NIM1K: variants seen among roughly 807,000 people sequenced by gnomAD.
NIM1K encodes NIM1 serine/threonine protein kinase, also known as serine/threonine-protein kinase NIM1.
Under a neutral mutation model 37.1 loss-of-function variants are expected in NIM1K, and 35 were observed. That is an observed-to-expected ratio of 0.94 (90% CI 0.72 to 1.25). The LOEUF is 1.25. Among genes scored for constraint, NIM1K ranks in the 50% most tolerant of loss-of-function variants. NIM1K has a pLI of 0.00. For synonymous variants in NIM1K, 234 were observed against 206.6 expected, an observed-to-expected ratio of 1.13 and a Z score of -1.14; for missense variants, 564 against 548.0, an observed-to-expected ratio of 1.03 and a Z score of -0.29.
intron 1 of NIM1K, among the ~76,000 whole-genome samples, chr5:43,237,177 G>A (rs552935182): frequency 2.0e-5 from 3 of 152,268 alleles, no homozygotes; most frequent in South Asian, 2.1e-4. Flanking sequence ...CAATGAAAAG[G>A]TTGCCTAAGA....
intron 1 of NIM1K, among the ~76,000 whole-genome samples, chr5:43,208,462 G>C (rs2112213209): frequency 6.6e-6 from 1 of 152,178 alleles, no homozygotes; most frequent in Non-Finnish European, 1.5e-5. Context: ...AATTAGCCGG[G>C]CGTGGTGGCA....
intron 1 of NIM1K, among the ~76,000 whole-genome samples, chr5:43,211,662 G>A (rs1752207198): frequency 6.6e-6 from 1 of 152,210 alleles, no homozygotes; most frequent in African/African-American, 2.4e-5. Flanking sequence ...TGGGAACAGG[G>A]GAGATGAGAA....
intron 2 of NIM1K, among the ~76,000 whole-genome samples, chr5:43,260,597 G>A (rs186574635): frequency 1.3e-5 from 2 of 151,858 alleles, no homozygotes; most frequent in African/African-American, 2.4e-5. Context: ...TATATAGAGA[G>A]AGAGAGAGAG....
intron 1 of NIM1K, chr5:43,207,475 C>A (rs1752134526): frequency 4.0e-6 from 3 of 749,920 alleles, no homozygotes; most frequent in Non-Finnish European, 7.5e-6. Flanking sequence ...TGAAGAGGTA[C>A]ACCAAAGAAG....
At chr5:43,238,039 ATTTTTTTTTT>A (rs71608701) in intron 1 of NIM1K, among the ~76,000 whole-genome samples, 4 of 120,618 alleles carry the variant, frequency 3.3e-5, no homozygotes, top group African/African-American at 9.2e-5. Flanking sequence ...CTTCAATTTA[ATTTTTTTTTT>A]TTTTTTTTTT....
intron 1 of NIM1K, chr5:43,232,551 C>T (rs1752555339): frequency 6.3e-7 from 1 of 1,581,292 alleles, no homozygotes; most frequent in Non-Finnish European, 8.6e-7. Flanking sequence ...CATAAGTGGC[C>T]TCATTGTCTA....
rs10941618 is a variant in NIM1K at position 43,269,030 on chromosome 5, G to T, written c.293-8027G>T. The stretch of plus-strand genomic sequence containing the variant: ...AATATAAGAATAGCCACTCCTACCC[G>T]GGCACGGTGGCTCACACCTGTAAAT... On this transcript the variant is annotated intron_variant, in intron 2 of 3. Transcript: ENST00000326035. 1.6e-3 allele frequency among the ~76,000 whole-genome samples: 243 copies of T among 151,814 alleles called. 3 individuals are homozygous for T. The highest frequency in any genetic ancestry group is 5.9e-4 in the Non-Finnish European group (40 of 67,932).
At chr5:43,214,828 A>G (rs1426126521) in intron 1 of NIM1K, among the ~76,000 whole-genome samples, 5 of 150,334 alleles carry the variant, frequency 3.3e-5, no homozygotes, top group African/African-American at 4.8e-5. Flanking sequence ...AAAAAAAAAA[A>G]AAACAAAAAA....
At chr5:43,235,407 C>T (rs1318387977) in intron 1 of NIM1K, among the ~76,000 whole-genome samples, 1 of 152,156 alleles carries the variant, frequency 6.6e-6, no homozygotes, top group Admixed American at 6.6e-5. Context: ...GTTTTTAACA[C>T]TAAATCTTCT....
intron 2 of NIM1K, among the ~76,000 whole-genome samples, chr5:43,249,348 C>G (rs1266140359): frequency 1.3e-5 from 2 of 151,874 alleles, no homozygotes; most frequent in Non-Finnish European, 2.9e-5. Flanking sequence ...GATTACAGGC[C>G]TGAGCCACCG....
In NIM1K at chr5:43,277,165, T is replaced by G. The variant is rs1485627300; in HGVS notation, c.401T>G (p.Ile134Ser). 6.2e-7 allele frequency: 1 copy of G among 1,614,046 alleles called. No homozygotes were observed. The highest frequency in any genetic ancestry group is 8.5e-7 in the Non-Finnish European group (1 of 1,179,994). ...SMEKLHHPNIIRLYEVVETLS... is the reference protein window; with the variant it reads ...SMEKLHHPNISRLYEVVETLS... ...GAAAAGCTGCACCATCCCAACATCA[T>G]CCGCCTTTACGAAGTGGTGGAGACC... The change falls in exon 3 of 4, where the codon ATC (isoleucine) becomes AGC (serine). Residue 134 changes from isoleucine to serine, a missense_variant. Coordinates refer to ENST00000326035, the MANE Select transcript of NIM1K (RefSeq NM_153361.4).
intron 1 of NIM1K, among the ~76,000 whole-genome samples, chr5:43,196,044 T>C (rs544485554): frequency 6.6e-6 from 1 of 152,224 alleles, no homozygotes; most frequent in African/African-American, 2.4e-5. Flanking sequence ...TGGGAGGCCT[T>C]AGCGGCAGAT....
At position 43,254,020 on chromosome 5, in the gene NIM1K, G is replaced by A. The variant is rs142127329; in HGVS notation, c.292+7953G>A. 7.0e-3 allele frequency among the ~76,000 whole-genome samples: 1,061 copies of A among 152,202 alleles called. 8 individuals are homozygous for A. The highest frequency in any genetic ancestry group is 0.024 in the African/African-American group (1,016 of 41,520). On this transcript the variant is annotated intron_variant, in intron 2 of 3. Coordinates refer to ENST00000326035, the MANE Select transcript of NIM1K (RefSeq NM_153361.4). Reference sequence around the variant, plus strand: ...GATTAATATGATCTTATTTCAGTGCGGAATGTGAATTGAAGTTGGAAAGTA... The same window carrying A: ...GATTAATATGATCTTATTTCAGTGCAGAATGTGAATTGAAGTTGGAAAGTA...
In NIM1K at chr5:43,279,947, A is replaced by T. The variant is rs1753410766; in HGVS notation, c.562-33A>T. 3 of 1,558,808 alleles carry T rather than the reference A, an allele frequency of 1.9e-6. No individual in the cohort carries two copies. The East Asian group carries it at 6.8e-5, about 35-fold the overall frequency. On this transcript the variant is annotated intron_variant, in intron 3 of 3. Transcript: ENST00000326035. ...ATTTTTTATTTTGACATTTTACTGT[A>T]AAAATGACTTTTCTCTATGTCTTCT...
intron 1 of NIM1K, among the ~76,000 whole-genome samples, chr5:43,216,794 C>T (rs1205210534): frequency 6.6e-6 from 1 of 151,976 alleles, no homozygotes; most frequent in Admixed American, 6.6e-5. Context: ...AAAATGTGGG[C>T]AGAGATGGGA....
At chr5:43,204,339 C>G (rs10044563) in intron 1 of NIM1K, among the ~76,000 whole-genome samples, 67,931 of 150,362 alleles carry the variant, frequency 0.45, 15,832 homozygotes, top group African/African-American at 0.48. Flanking sequence ...CCACCTCAGC[C>G]TCCCAAAGTG....
chr5:43,253,866 T>C (rs952552330), intron 2 of NIM1K, among the ~76,000 whole-genome samples: 4 of 152,240 alleles, frequency 2.6e-5, no homozygotes, highest in African/African-American at 7.2e-5. Flanking sequence ...TTTCACCATC[T>C]TGGCCAGGCT....
At chr5:43,242,182 T>TA (rs1289078519) in intron 1 of NIM1K, among the ~76,000 whole-genome samples, 1 of 152,004 alleles carries the variant, frequency 6.6e-6, no homozygotes, top group Admixed American at 6.5e-5. Flanking sequence ...ACTGATCATA[T>TA]TTGGCAATTG....
At chr5:43,249,451 T>G (rs544793635) in intron 2 of NIM1K, among the ~76,000 whole-genome samples, 1 of 152,314 alleles carries the variant, frequency 6.6e-6, no homozygotes, top group East Asian at 1.9e-4. Context: ...TAATGAAATG[T>G]CTGGGCACTA....
Sources: gnomAD v4.1 joint callset for allele counts (sites outside exome capture counted in the v4.1 genomes callset) on GRCh38, gnomAD v4.1.1 for gene constraint, MANE v1.5 for transcripts, NCBI Gene and HGNC (gene_info 2026-07-23, HGNC 2026-07-21) for gene names.